The following DNAH14 variants were observed in gnomAD, a reference collection of about 807,000 sequenced individuals.
The protein encoded by DNAH14 is axonemal beta dynein heavy chain 14.
Under a neutral mutation model 520.9 loss-of-function variants are expected in DNAH14, and 478 were observed. The observed-to-expected ratio is 0.92, with a 90% CI of 0.85 to 0.99. The LOEUF (loss-of-function observed/expected upper bound fraction) is 0.99. Among genes scored for constraint, DNAH14 ranks in the 50% least tolerant of loss-of-function variants. The probability of loss-of-function intolerance (pLI) is 0.00; values close to 1 mark genes in which losing one functional copy is unlikely to be tolerated. For synonymous variants in DNAH14, 1,581 were observed against 1,757.2 expected (o/e 0.90, Z 2.51); for missense variants, 4,831 against 5,234.5 (o/e 0.92, Z 2.38).
At chr1:225,145,212 C>G (rs2079824490) in intron 29 of DNAH14, 114 bp from the exon 30 acceptor site, 3 of 717,476 alleles carry the variant, frequency 4.2e-6, no homozygotes, top group Non-Finnish European at 6.6e-6. Flanking sequence ...TAATTCATCT[C>G]CATATTGCAA....
At chr1:225,306,673 G>A (rs1390554747) in intron 58 of DNAH14, among the ~76,000 whole-genome samples, 1 of 152,000 alleles carries the variant, frequency 6.6e-6, no homozygotes, top group East Asian at 1.9e-4. Context: ...CCACAACACA[G>A]CTCTAGATCA....
chr1:225,302,152 A>C (rs1313534062), intron 56 of DNAH14, among the ~76,000 whole-genome samples: 1 of 148,710 alleles, frequency 6.7e-6, no homozygotes, highest in African/African-American at 2.4e-5. Context: ...TAATATATAT[A>C]ATGCTATGCT....
intron 10 of DNAH14, among the ~76,000 whole-genome samples, chr1:225,010,954 T>C (rs2064672622): frequency 1.3e-5 from 2 of 152,250 alleles, no homozygotes; most frequent in East Asian, 1.9e-4. Context: ...CCCTTCATCA[T>C]TTTTTATTGT....
chr1:225,354,626 T>C (rs2095410033), intron 73 of DNAH14, among the ~76,000 whole-genome samples: 1 of 152,188 alleles, frequency 6.6e-6, no homozygotes, highest in South Asian at 2.1e-4. Flanking sequence ...CCAAGGCTTA[T>C]AAATCTCAGA....
At chr1:225,349,326 G>A (rs1219747617) in intron 71 of DNAH14, among the ~76,000 whole-genome samples, 2 of 152,024 alleles carry the variant, frequency 1.3e-5, no homozygotes, top group Admixed American at 1.3e-4. Context: ...AACAAACTGA[G>A]AAGGGAATCA....
At chr1:224,961,104 C>G (rs2125559622) in intron 4 of DNAH14, 1 of 152,206 alleles carries the variant, frequency 6.6e-6, no homozygotes, top group Admixed American at 6.6e-5. Context: ...TAGAGTCTCT[C>G]CCCTTTGCTG....
At chr1:225,214,764 C>A (rs972456345) in intron 41 of DNAH14, among the ~76,000 whole-genome samples, 9 of 152,154 alleles carry the variant, frequency 5.9e-5, no homozygotes, top group African/African-American at 2.2e-4. Flanking sequence ...TCCCCTTTGT[C>A]ATTTTTTATT....
chr1:225,192,713 A>T lies in DNAH14; in HGVS notation c.5688A>T (p.Gly1896=). 3 of 1,548,086 alleles carry T rather than the reference A, an allele frequency of 1.9e-6. No homozygotes were observed. The highest frequency in any genetic ancestry group is 2.6e-6 in the Non-Finnish European group (3 of 1,144,678). ...TTTCCCAGATTTCAGAAAGAAAAGG[A>T]AAAGTAGATATTTGTGTTTTAAATC... ...KSASKISERK[G]KVDICVLNPK... Residue 1896 remains glycine, a synonymous_variant, in exon 38 of 86, where the codon GGA becomes GGT. Transcript: ENST00000682510.
intron 60 of DNAH14, among the ~76,000 whole-genome samples, chr1:225,313,016 G>T (rs2094398569): frequency 6.6e-6 from 1 of 152,144 alleles, no homozygotes; most frequent in Non-Finnish European, 1.5e-5. Flanking sequence ...CAGAAGAAAT[G>T]GTACCAGCTC....
rs564329148 is a variant in DNAH14 at position 225,102,353 on chromosome 1, G to A, written c.3867+1469G>A. On this transcript the variant is annotated intron_variant, in intron 23 of 85. Coordinates refer to ENST00000682510, the MANE Select transcript of DNAH14 (RefSeq NM_001367479.1). ...GTGAATAGTGCCACAATAAACATAC[G>A]TGTGCATGTGTCTTTATCGCAGCAT... Among the ~76,000 whole-genome samples the A allele has an allele frequency of 5.0e-3, 761 of 152,142 alleles. 6 individuals are homozygous for A. Among genetic ancestry groups the A allele is most frequent in the African/African-American group, 0.017 (716 of 41,482 alleles).
chr1:225,207,999 TC>T (rs1316400766), intron 41 of DNAH14, among the ~76,000 whole-genome samples: 1 of 152,172 alleles, frequency 6.6e-6, no homozygotes, highest in Non-Finnish European at 1.5e-5. Flanking sequence ...CAACAAAATG[TC>T]CTATTGGCAG....
chr1:225,307,558 CA>C lies in DNAH14; in HGVS notation c.9109del (p.Thr3037GlnfsTer7). The C allele has an allele frequency of 6.5e-7, 1 of 1,534,036 alleles. No homozygotes were observed. The highest frequency in any genetic ancestry group is 1.7e-4 in the Middle Eastern group (1 of 5,908). ...CTTGATTCTTGGCCCTCAAGTAGAA[CA>C]AAAAACAAAGGTATGTTTGCTTTGA... ...ELLILGPQVE[Q>X]KTKETETLME... On this transcript the variant is annotated frameshift_variant, in exon 59 of 86. Coordinates refer to ENST00000682510, the MANE Select transcript of DNAH14 (RefSeq NM_001367479.1). LOFTEE classifies it high-confidence loss of function.
In DNAH14 at chr1:225,274,194, G is replaced by GTTTTTTTTTTTTTTTTTT. The variant is rs1193834939; in HGVS notation, c.8010+1071_8010+1072insTTTTTTTTTTTTTTTTTT. Among the ~76,000 whole-genome samples, 74 of 120,302 alleles carry GTTTTTTTTTTTTTTTTTT rather than the reference G, an allele frequency of 6.2e-4. 11 individuals carry two copies. The highest frequency in any genetic ancestry group is 1.5e-3 in the African/African-American group (44 of 29,434). 78.9% of individuals were successfully genotyped at this position (120,302 alleles called of 152,430 possible). A position where few individuals can be genotyped will look rare whatever the true frequency, so the allele number is the denominator to read the frequency against. On this transcript the variant is annotated intron_variant, in intron 52 of 85. Transcript: ENST00000682510. The stretch of plus-strand genomic sequence containing the variant: ...TTTCTCTGCATCCTCACCAGCATCT[G>GTTTTTTTTTTTTTTTTTT]TTATTTTTTTTTTTTTTTTTTTTTT...
chr1:225,078,130 C>A (rs3128650), intron 17 of DNAH14, among the ~76,000 whole-genome samples: 121,298 of 152,076 alleles, frequency 0.8, 51,735 homozygotes, highest in Non-Finnish European at 0.96. Flanking sequence ...ACACTTTTGA[C>A]AAGTATGGTT....
intron 50 of DNAH14, 106 bp downstream of exon 50, chr1:225,270,972 G>A (rs2093300719): frequency 1.7e-6 from 2 of 1,193,026 alleles, no homozygotes; most frequent in Non-Finnish European, 2.3e-6. Flanking sequence ...ACTTTAAGGG[G>A]ATAGATTTTA....
intron 54 of DNAH14, among the ~76,000 whole-genome samples, chr1:225,287,474 A>G (rs887972036): frequency 6.6e-6 from 1 of 152,336 alleles, no homozygotes; most frequent in Admixed American, 6.5e-5. Flanking sequence ...GAGCTAAACA[A>G]GGGAAAGAGA....
intron 61 of DNAH14, among the ~76,000 whole-genome samples, chr1:225,319,590 A>G (rs2094524842): frequency 6.6e-6 from 1 of 152,172 alleles, no homozygotes; most frequent in African/African-American, 2.4e-5. Context: ...CGTGAAACTG[A>G]AAAAATGCAA....
At chr1:224,961,671 T>C (rs1422545216) in intron 4 of DNAH14, among the ~76,000 whole-genome samples, 2 of 152,120 alleles carry the variant, frequency 1.3e-5, no homozygotes, top group Admixed American at 1.3e-4. Flanking sequence ...CTCCACCTGG[T>C]CCCACACTTG....
intron 77 of DNAH14, among the ~76,000 whole-genome samples, chr1:225,372,422 A>C (rs1179694632): frequency 6.6e-6 from 1 of 152,176 alleles, no homozygotes; most frequent in East Asian, 1.9e-4. Flanking sequence ...GCAAAAATCT[A>C]AGTTTTTATG....
Sources: allele counts gnomAD v4.1 joint callset (sites outside exome capture counted in the v4.1 genomes callset), GRCh38; gene constraint gnomAD v4.1.1; transcripts MANE v1.5; gene names NCBI Gene and HGNC (gene_info 2026-07-23, HGNC 2026-07-21).